ROBO3: variants seen among roughly 807,000 people sequenced by gnomAD.
ROBO3 encodes the protein roundabout guidance receptor 3.
Under a neutral mutation model 160.5 loss-of-function variants are expected in ROBO3, and 97 were observed. The observed-to-expected ratio is 0.60, with a 90% CI of 0.51 to 0.72. The LOEUF is 0.72. ROBO3 is among the 30% of genes least tolerant of loss of function. The pLI is 0.00. For missense variants in ROBO3, 1,858 were observed against 1,846.5 expected (o/e 1.01, Z -0.11); for synonymous variants, 780 against 746.2 (o/e 1.05, Z -0.74).
At position 124,865,829 on chromosome 11, in the gene ROBO3, A is replaced by G; in HGVS notation, c.160+92A>G. On this transcript the variant is annotated intron_variant, in intron 1 of 27. Coordinates refer to ENST00000397801, the MANE Select transcript of ROBO3 (RefSeq NM_022370.4). This position sits in a 1 kb window ranked among gnomAD's most constrained non-coding sequence, Gnocchi z 5.5. ...GGGAAGGAGAAGCGCTCCTGTCCCG[A>G]GGTCCGGGATTGAGTGGCGCCTCCC... is the stretch of plus-strand genomic sequence containing the variant. The G allele has an allele frequency of 1.4e-6, 2 of 1,396,384 alleles. No individual in the cohort carries two copies. Among genetic ancestry groups the G allele is most frequent in the Non-Finnish European group, 1.9e-6 (2 of 1,043,560 alleles). The allele number at this position is 1,396,384 out of a possible 1,614,324, so 86.5% of individuals were successfully genotyped here. A position where few individuals can be genotyped will look rare whatever the true frequency, so the allele number is the denominator to read the frequency against.
chr11:124,878,524 C>T lies in ROBO3; in HGVS notation c.3321-60C>T, dbSNP rs1946464656. The T allele has an allele frequency of 6.2e-7, 1 of 1,600,282 alleles. No homozygotes were observed. The highest frequency in any genetic ancestry group is 1.3e-5 in the African/African-American group (1 of 74,612). ...GAAGGGGAGGGGGCAGCAGGAAGGC[C>T]AACGGGAAGGTATGGAAGCAGCTGA... On this transcript the variant is annotated intron_variant, in intron 22 of 27. Transcript: ENST00000397801. The surrounding 1 kb of genome is among the most constrained non-coding windows in gnomAD (Gnocchi z 4.3).
Position 124,872,638 on chromosome 11 carries a change from A to AAGAGACTGCAGT in ROBO3, c.1330+86_1330+87insAGAGACTGCAGT. On this transcript the variant is annotated intron_variant, in intron 8 of 27. Transcript: ENST00000397801. The surrounding 1 kb of genome is among the most constrained non-coding windows in gnomAD (Gnocchi z 4.3). ...GATGTGTTTCTCTTGGAGTCTATATACTATGTCTGCAAGAGGAGAGATGTG... is the reference window on the plus strand; with the variant it reads ...GATGTGTTTCTCTTGGAGTCTATATAAGAGACTGCAGTCTATGTCTGCAAGAGGAGAGATGTG... The AAGAGACTGCAGT allele has an allele frequency of 1.5e-6, 2 of 1,348,698 alleles. No individual in the cohort carries two copies. The highest frequency in any genetic ancestry group is 2.0e-6 in the Non-Finnish European group (2 of 984,592). The allele number at this position is 1,348,698 out of a possible 1,614,324, so 83.5% of individuals were successfully genotyped here. A position where few individuals can be genotyped will look rare whatever the true frequency, so the allele number is the denominator to read the frequency against.
chr11:124,877,912 G>C (rs1480165977), intron 20 of ROBO3, 25 bp from the exon 21 acceptor site: 1 of 1,509,164 alleles, frequency 6.6e-7, no homozygotes, highest in East Asian at 2.3e-5. Context: ...CTCTGCTTCC[G>C]GGCCTCCCTC....
chr11:124,879,576 G>C lies in ROBO3; in HGVS notation c.3796+1G>C. On this transcript the variant is annotated splice_donor_variant, in intron 25 of 27. Transcript: ENST00000397801. LOFTEE classifies it high-confidence loss of function. ...TACAGGAGGGAGAACAGTCCTGGGG[G>C]TGAGGGGGGATGCACCTGGGAGATG... The C allele has an allele frequency of 6.2e-7, 1 of 1,611,218 alleles. No individual in the cohort carries two copies. The highest frequency in any genetic ancestry group is 1.1e-5 in the South Asian group (1 of 90,702).
rs1946274853 is a variant in ROBO3 at position 124,871,064 on chromosome 11, G to A, written c.1084G>A (p.Glu362Lys). 6.2e-7 allele frequency: 1 copy of A among 1,613,794 alleles called. No individual in the cohort carries two copies. The change falls in exon 7 of 28, where the codon GAG becomes AAG. Residue 362 changes from glutamate (E) to lysine (K), a missense_variant. Physicochemically the swap from Glu to Lys is moderately conservative, Grantham distance 56. Transcript: ENST00000397801. ...QPQDQMAAPG[E>K]SVAFQCETKG... ...CCAGGACCAGATGGCAGCTCCTGGA[G>A]AGAGCGTGGCTTTCCAGTGCGAGAC...
Position 124,870,255 on chromosome 11 carries a change from C to T in ROBO3, c.857C>T (p.Pro286Leu). The change falls in exon 5 of 28, where the codon CCA becomes CTA. Residue 286 changes from proline to leucine, a missense_variant. Pro to Leu is a moderately conservative substitution (Grantham distance 98). Coordinates refer to ENST00000397801, the MANE Select transcript of ROBO3 (RefSeq NM_022370.4). ...CTATGTGAGGTGAAGGGGGATCCCC[C>T]ACCTCGTCTACGCTGGCGCAAGGAG... ...TFLCEVKGDP[P>L]PRLRWRKEDG... 6.2e-7 allele frequency: 1 copy of T among 1,614,018 alleles called. No homozygotes were observed. Among genetic ancestry groups the T allele is most frequent in the Non-Finnish European group, 8.5e-7 (1 of 1,179,896 alleles).
chr11:124,875,791 T>C, intron 15 of ROBO3, 106 bp downstream of exon 15: 2 of 1,492,362 alleles, frequency 1.3e-6, no homozygotes, highest in Admixed American at 1.8e-5. Context: ...GGTTTGGCTT[T>C]AGGGTTGGGG....
In ROBO3 at chr11:124,877,609, G is replaced by A; in HGVS notation, c.2937G>A (p.Arg979=). Residue 979 remains arginine (R), a synonymous_variant, in exon 20 of 28, where the codon AGG becomes AGA. Transcript: ENST00000397801. The part of the protein sequence containing the change: ...PSRSPSAQEP[R]GSCCPSNPDP... ...GAAGCCCCTCGGCCCAGGAACCCAG[G>A]GGAAGCTGCTGCCCTAGCAATCCTG... 1 of 1,609,856 alleles carries A rather than the reference G, an allele frequency of 6.2e-7. No homozygotes were observed. Among genetic ancestry groups the A allele is most frequent in the East Asian group, 2.2e-5 (1 of 44,718 alleles).
chr11:124,877,992 C>T lies in ROBO3; in HGVS notation c.3042C>T (p.Gly1014=), dbSNP rs568538420. The part of the protein sequence containing the change: ...AQTARGTAAP[G]EGPVYSTIDP... ...CGGCCAGGGGCACGGCCGCCCCTGGCGAGGGTCCTGTCTATAGCACCATTG... is the reference window on the plus strand; with the variant it reads ...CGGCCAGGGGCACGGCCGCCCCTGGTGAGGGTCCTGTCTATAGCACCATTG... The change falls in exon 21 of 28, where the codon GGC becomes GGT. Residue 1014 remains glycine (G), a synonymous_variant. Transcript: ENST00000397801. The T allele has an allele frequency of 6.4e-5, 103 of 1,611,336 alleles. No homozygotes were observed. Among genetic ancestry groups the T allele is most frequent in the Non-Finnish European group, 8.3e-5 (98 of 1,178,818 alleles).
Position 124,879,895 on chromosome 11 carries a change from G to C in ROBO3, c.3905G>C (p.Arg1302Thr). The stretch of plus-strand genomic sequence containing the variant: ...CTGGAGCGGGAGCGCAGTGGGGAGA[G>C]GAAAGCGGTCCAGGCCGTGCCCCTG... ...SSLERERSGERKAVQAVPLAA... is the reference protein window; with the variant it reads ...SSLERERSGETKAVQAVPLAA... The change falls in exon 26 of 28, where the codon AGG becomes ACG. Residue 1302 changes from arginine (R) to threonine (T), a missense_variant. Arg to Thr is a moderately conservative substitution (Grantham distance 71). Transcript: ENST00000397801. 1 of 1,610,488 alleles carries C rather than the reference G, an allele frequency of 6.2e-7. No individual in the cohort carries two copies. The highest frequency in any genetic ancestry group is 8.5e-7 in the Non-Finnish European group (1 of 1,178,728).
chr11:124,870,868 G>A lies in ROBO3; in HGVS notation c.1033+140G>A, dbSNP rs1400335805. On this transcript the variant is annotated intron_variant, in intron 6 of 27. Transcript: ENST00000397801. ...GAGACTTCTGCAAGGAGTGGGAGGAGGAGAACACTAAACAGGCCGGGAGGA... is the reference window on the plus strand; with the variant it reads ...GAGACTTCTGCAAGGAGTGGGAGGAAGAGAACACTAAACAGGCCGGGAGGA... 1.8e-5 allele frequency: 27 copies of A among 1,515,272 alleles called. No individual in the cohort carries two copies. In the East Asian group the frequency reaches 5.9e-4, roughly 33 times the overall value. 93.9% of individuals were successfully genotyped at this position (1,515,272 alleles called of 1,614,324 possible). A position where few individuals can be genotyped will look rare whatever the true frequency, so the allele number is the denominator to read the frequency against.
At position 124,869,434 on chromosome 11, in the gene ROBO3, C is replaced by CA. The variant is rs770229976; in HGVS notation, c.488-16_488-15insA. On this transcript the variant is annotated splice_polypyrimidine_tract_variant and intron_variant, in intron 2 of 27. Transcript: ENST00000397801. The surrounding 1 kb of genome is among the most constrained non-coding windows in gnomAD (Gnocchi z 4.2). ...CTCTACACCCTGCTTATTTCGCCCC[C>CA]CACCGCCCCGCCCAGTCCTCCGTGA... 3.7e-6 allele frequency: 5 copies of CA among 1,358,182 alleles called. No individual in the cohort carries two copies. In the African/African-American group the frequency reaches 4.7e-5, roughly 13 times the overall value. The allele number at this position is 1,358,182 out of a possible 1,614,324, so 84.1% of individuals were successfully genotyped here. A position where few individuals can be genotyped will look rare whatever the true frequency, so the allele number is the denominator to read the frequency against.
chr11:124,869,455 C>T lies in ROBO3; in HGVS notation c.493C>T (p.Arg165Cys). The change falls in exon 3 of 28, where the codon CGT becomes TGT. Residue 165 changes from arginine to cysteine, a missense_variant. Transcript: ENST00000397801. This position sits in a 1 kb window ranked among gnomAD's most constrained non-coding sequence, Gnocchi z 4.2. The part of the protein sequence containing the change: ...RNASLEVAVL[R>C]DDFRQSPGNV... ...CCCCCCACCGCCCCGCCCAGTCCTCCGTGATGATTTCCGGCAGTCTCCTGG... is the reference window on the plus strand; with the variant it reads ...CCCCCCACCGCCCCGCCCAGTCCTCTGTGATGATTTCCGGCAGTCTCCTGG... The T allele has an allele frequency of 6.5e-7, 1 of 1,530,598 alleles. No homozygotes were observed. Among genetic ancestry groups the T allele is most frequent in the Non-Finnish European group, 8.9e-7 (1 of 1,126,932 alleles). The allele number at this position is 1,530,598 out of a possible 1,614,324, so 94.8% of individuals were successfully genotyped here. A position where few individuals can be genotyped will look rare whatever the true frequency, so the allele number is the denominator to read the frequency against.
Position 124,869,195 on chromosome 11 carries a change from A to T in ROBO3, c.487+67A>T, listed in dbSNP as rs543886680. The T allele has an allele frequency of 6.9e-7, 1 of 1,453,402 alleles. No individual in the cohort carries two copies. Among genetic ancestry groups the T allele is most frequent in the African/African-American group, 1.4e-5 (1 of 71,094 alleles). 90.0% of individuals were successfully genotyped at this position (1,453,402 alleles called of 1,614,324 possible). A position where few individuals can be genotyped will look rare whatever the true frequency, so the allele number is the denominator to read the frequency against. ...GGGGTAGGCGGGAGGGCACTGGGCA[A>T]TCAGACCCAGAACCAGCCCCAAAGG... is the stretch of plus-strand genomic sequence containing the variant. On this transcript the variant is annotated intron_variant, in intron 2 of 27. Coordinates refer to ENST00000397801, the MANE Select transcript of ROBO3 (RefSeq NM_022370.4). The surrounding 1 kb of genome is among the most constrained non-coding windows in gnomAD (Gnocchi z 4.2).
intron 13 of ROBO3, 45 bp downstream of exon 13, chr11:124,874,954 A>G: frequency 1.3e-6 from 2 of 1,582,122 alleles, no homozygotes; most frequent in Non-Finnish European, 1.7e-6. Context: ...GATGATTATG[A>G]GGCACATGAG....
rs1192919573 is a variant in ROBO3 at position 124,879,531 on chromosome 11, A to C, written c.3752A>C (p.Lys1251Thr). 1 of 1,613,886 alleles carries C rather than the reference A, an allele frequency of 6.2e-7. No homozygotes were observed. Among genetic ancestry groups the C allele is most frequent in the Admixed American group, 1.7e-5 (1 of 60,024 alleles). Residue 1251 changes from lysine to threonine, a missense_variant, in exon 25 of 28, where the codon AAG (lysine) becomes ACG (threonine). Lys to Thr is a moderately conservative substitution (Grantham distance 78). Transcript: ENST00000397801. ...PLQGPRARFR[K>T]KPKALPYRRE... ...CAAGGACCCCGTGCTCGATTCCGGA[A>C]GAAACCCAAGGCTCTTCCCTACAGG... is the stretch of plus-strand genomic sequence containing the variant.
At position 124,880,569 on chromosome 11, in the gene ROBO3, C is replaced by T. The variant is rs1946556307; in HGVS notation, c.4110C>T (p.Ser1370=). The T allele has an allele frequency of 1.3e-6, 2 of 1,552,588 alleles. No homozygotes were observed. Among genetic ancestry groups the T allele is most frequent in the Non-Finnish European group, 1.7e-6 (2 of 1,147,818 alleles). ...GCCGGAGCCGGAGTCGGAGTCAGAG[C>T]CGGAGCCAGAGCCAAAGGCCAGGAC... ...GPGRSRSRSQ[S]RSQSQRPGQK... The change falls in exon 27 of 28, where the codon AGC becomes AGT. Residue 1370 remains serine, a synonymous_variant. Transcript: ENST00000397801.
At chr11:124,866,133 C>T (rs541322258) in intron 1 of ROBO3, among the ~76,000 whole-genome samples, 2 of 152,346 alleles carry the variant, frequency 1.3e-5, no homozygotes, top group South Asian at 2.1e-4. Flanking sequence ...CTCGGTGACC[C>T]ACCCAGGCAG....
chr11:124,870,503 G>C, intron 5 of ROBO3, 98 bp from the exon 6 acceptor site: 1 of 1,571,268 alleles, frequency 6.4e-7, no homozygotes, highest in Non-Finnish European at 8.7e-7. Context: ...GCTGGGTCCT[G>C]CCTGTCTTTA....
Sources: allele counts gnomAD v4.1 joint callset (sites outside exome capture counted in the v4.1 genomes callset), GRCh38; gene constraint gnomAD v4.1.1; non-coding constraint Gnocchi (gnomAD v3.1); transcripts MANE v1.5; gene names NCBI Gene and HGNC (gene_info 2026-07-23, HGNC 2026-07-21).